DDX43: variants seen among roughly 807,000 people sequenced by gnomAD.
DDX43 encodes the protein DEAD-box helicase 43.
Under a neutral mutation model 84.9 loss-of-function variants are expected in DDX43, and 50 were observed. The observed-to-expected ratio is 0.59, with a 90% CI of 0.47 to 0.75. The LOEUF is 0.75. Ranked by LOEUF, DDX43 falls within the 30% of genes least tolerant of loss-of-function variation. The pLI, the probability that DDX43 is intolerant of heterozygous loss-of-function variation, is 0.00. For missense variants in DDX43, 689 were observed against 798.6 expected (o/e 0.86, Z 1.65); for synonymous variants, 291 against 266.3 (o/e 1.09, Z -0.90).
chr6:73,402,210 T>C (rs1582636468), intron 4 of DDX43, among the ~76,000 whole-genome samples: 1 of 152,200 alleles, frequency 6.6e-6, no homozygotes, highest in Non-Finnish European at 1.5e-5. Context: ...CTGTCAGCGG[T>C]AATTCACTGC....
At chr6:73,412,680 TGTGTGTGTGTGCGC>T (rs1769822077) in intron 11 of DDX43, among the ~76,000 whole-genome samples, 3 of 108,516 alleles carry the variant, frequency 2.8e-5, no homozygotes, top group Non-Finnish European at 5.8e-5. Flanking sequence ...CGCGCGCGCG[TGTGTGTGTGTGCGC>T]GTGCGTGCGC....
intron 2 of DDX43, among the ~76,000 whole-genome samples, chr6:73,399,844 A>G (rs1182976537): frequency 1.3e-5 from 2 of 152,214 alleles, no homozygotes; most frequent in Non-Finnish European, 2.9e-5. Flanking sequence ...AGATTATGTC[A>G]TTTCAGCCCT....
Position 73,406,417 on chromosome 6 carries a change from G to T in DDX43, c.861G>T (p.Gln287His). The change falls in exon 7 of 17, where the codon CAG becomes CAT. Residue 287 changes from glutamine to histidine, a missense_variant. By Grantham distance (24) the Gln-to-His change is conservative. Transcript: ENST00000370336. ...LQGIDLIGVA[Q>H]TGTGKTLCYL... ...GAATAGATCTTATAGGAGTAGCCCA[G>T]ACTGGAACAGGAAAGACATTGTGTT... 1 of 1,613,816 alleles carries T rather than the reference G, an allele frequency of 6.2e-7. No individual in the cohort carries two copies. The highest frequency in any genetic ancestry group is 1.1e-5 in the South Asian group (1 of 91,012).
intron 1 of DDX43, among the ~76,000 whole-genome samples, chr6:73,396,630 TTTAAA>T (rs1374707143): frequency 1.3e-5 from 2 of 152,184 alleles, no homozygotes; most frequent in African/African-American, 2.4e-5. Context: ...AATACCCTCT[TTTAAA>T]CGTATATCAC....
At chr6:73,399,811 A>G (rs1175179343) in intron 2 of DDX43, among the ~76,000 whole-genome samples, 13 of 152,238 alleles carry the variant, frequency 8.5e-5, no homozygotes, top group Admixed American at 8.5e-4. Flanking sequence ...CTGGCAGTTC[A>G]GTGAACTCTC....
intron 1 of DDX43, among the ~76,000 whole-genome samples, chr6:73,396,171 A>T (rs1446254307): frequency 1.3e-5 from 2 of 152,064 alleles, no homozygotes; most frequent in Non-Finnish European, 2.9e-5. Flanking sequence ...ATTACCCAGG[A>T]TGGTCTCGAA....
intron 1 of DDX43, 41 bp from the exon 2 acceptor site, chr6:73,397,640 CTTACTAAT>C: frequency 6.8e-7 from 1 of 1,462,074 alleles, no homozygotes; most frequent in African/African-American, 1.4e-5. Flanking sequence ...AAATTTTCAA[CTTACTAAT>C]TTCAACTTAT....
In DDX43 at chr6:73,414,195, G is replaced by A. The variant is rs1769859621; in HGVS notation, c.1606+116G>A. On this transcript the variant is annotated intron_variant, in intron 13 of 16. Coordinates refer to ENST00000370336, the MANE Select transcript of DDX43 (RefSeq NM_018665.3). ...TTTCTAAGATCTGTCCTCACCTTCT[G>A]TATCCTACAACTACACTCATTAGAG... 6.0e-6 allele frequency: 4 copies of A among 662,206 alleles called. No homozygotes were observed. The East Asian group carries it at 8.2e-5, about 14-fold the overall frequency. 41.0% of individuals were successfully genotyped at this position (662,206 alleles called of 1,614,324 possible). A position where few individuals can be genotyped will look rare whatever the true frequency, so the allele number is the denominator to read the frequency against.
chr6:73,406,288 C>T (rs1465764576), intron 6 of DDX43, 76 bp from the exon 7 acceptor site: 3 of 1,058,512 alleles, frequency 2.8e-6, no homozygotes, highest in Middle Eastern at 2.1e-4. Flanking sequence ...TCCCAAAGTG[C>T]TGGGATTACA....
chr6:73,400,413 C>G (rs370171205), intron 3 of DDX43, 50 bp downstream of exon 3: 8 of 1,531,246 alleles, frequency 5.2e-6, no homozygotes, highest in Non-Finnish European at 7.0e-6. Flanking sequence ...TAATTTCATT[C>G]AGTGTTATAA....
rs1027816111 is a variant in DDX43, at chr6:73,407,399, G to T, written c.927-106G>T. ...CTCCCAAAGTGCTGAGATTACAGGC[G>T]TGAGCCACCACGTCTGGCTTGTTGC... is the stretch of plus-strand genomic sequence containing the variant. On this transcript the variant is annotated intron_variant, in intron 7 of 16. Transcript: ENST00000370336. 6.5e-6 allele frequency: 5 copies of T among 774,184 alleles called. No individual in the cohort carries two copies. In the African/African-American group the frequency reaches 8.8e-5, roughly 14 times the overall value. 48.0% of individuals were successfully genotyped at this position (774,184 alleles called of 1,614,324 possible).
intron 4 of DDX43, among the ~76,000 whole-genome samples, chr6:73,404,245 C>T (rs967680525): frequency 5.3e-5 from 8 of 152,014 alleles, no homozygotes; most frequent in Admixed American, 3.3e-4. Flanking sequence ...GCCACTGTGC[C>T]GGGAGAATTT....
At chr6:73,405,885 C>T (rs753337286) in intron 6 of DDX43, 50 bp downstream of exon 6, 12 of 1,541,350 alleles carry the variant, frequency 7.8e-6, no homozygotes, top group Non-Finnish European at 1.1e-5. Flanking sequence ...TCTTCGAAAC[C>T]AGTGATATCT....
chr6:73,395,198 G>T (rs769918736), intron 1 of DDX43, 43 bp downstream of exon 1: 1 of 1,556,284 alleles, frequency 6.4e-7, no homozygotes, highest in Non-Finnish European at 8.7e-7. Context: ...GGTGGGGCCA[G>T]GGGCGGAGCC....
At chr6:73,413,910 AG>A in intron 12 of DDX43, 59 bp from the exon 13 acceptor site, 1 of 1,523,042 alleles carries the variant, frequency 6.6e-7, no homozygotes, top group Non-Finnish European at 9.0e-7. Context: ...TGCTAACAGA[AG>A]TAAAACTGGT....
At chr6:73,410,653 C>T (rs901178154) in intron 10 of DDX43, among the ~76,000 whole-genome samples, 1 of 152,166 alleles carries the variant, frequency 6.6e-6, no homozygotes, top group African/African-American at 2.4e-5. Context: ...AATGCAGTGG[C>T]ACCATTTTGC....
At chr6:73,407,870 A>T in intron 8 of DDX43, 90 bp from the exon 9 acceptor site, 1 of 1,292,788 alleles carries the variant, frequency 7.7e-7, no homozygotes, top group Non-Finnish European at 1.1e-6. Context: ...AAGGTACCTG[A>T]TAATTGATTT....
At chr6:73,400,470 A>C in intron 3 of DDX43, 107 bp downstream of exon 3, 1 of 1,042,822 alleles carries the variant, frequency 9.6e-7, no homozygotes, top group Non-Finnish European at 1.3e-6. Context: ...TTAGGCTGCC[A>C]TAAATGCAGT....
chr6:73,416,958 G>C (rs1294608928), intron 16 of DDX43, among the ~76,000 whole-genome samples: 1 of 152,160 alleles, frequency 6.6e-6, no homozygotes, highest in African/African-American at 2.4e-5. Context: ...AGAATCGCTT[G>C]AATCTGGGAA....
Sources: gnomAD v4.1 joint callset for allele counts (sites outside exome capture counted in the v4.1 genomes callset) on GRCh38, gnomAD v4.1.1 for gene constraint, MANE v1.5 for transcripts, NCBI Gene and HGNC (gene_info 2026-07-23, HGNC 2026-07-21) for gene names.